ZNF469: variants seen among roughly 807,000 people sequenced by gnomAD.
ZNF469 encodes the protein zinc finger protein 469.
Under a neutral mutation model 1.0 loss-of-function variants are expected in ZNF469, and 1 was observed. The ratio of observed to expected loss-of-function variants is 1.00; its 90% confidence interval spans 0.35 to 4.73. ZNF469 has a LOEUF of 4.73. Ranked by LOEUF, ZNF469 falls within the 30% of genes most tolerant of loss-of-function variation. The pLI, the probability that ZNF469 is intolerant of heterozygous loss-of-function variation, is 0.16. For missense variants in ZNF469, 6,100 were observed against 5,356.3 expected, an observed-to-expected ratio of 1.14 and a Z score of -4.33; for synonymous variants, 2,703 against 2,363.4, an observed-to-expected ratio of 1.14 and a Z score of -4.17.
chr16:88,415,052 G>A (rs1368076444), intron 1 of ZNF469, among the ~76,000 whole-genome samples: 1 of 152,210 alleles, frequency 6.6e-6, no homozygotes, highest in Non-Finnish European at 1.5e-5. Flanking sequence ...CTCCGGTCCC[G>A]GGTGCCACTT....
upstream of ZNF469, among the ~76,000 whole-genome samples, chr16:88,379,701 C>T (rs2092516272): frequency 6.6e-6 from 1 of 152,166 alleles, no homozygotes; most frequent in African/African-American, 2.4e-5. Context: ...TGTAACAGTC[C>T]AAAGTGACTC....
At chr16:88,203,743 T>TGTG in the ZNF469 span, among the ~76,000 whole-genome samples, 1 of 152,038 alleles carries the variant, frequency 6.6e-6, no homozygotes, top group African/African-American at 2.4e-5. Context: ...TGTGTGTGTG[T>TGTG]GTGTGTATCT....
chr16:88,190,366 A>G, the ZNF469 span, among the ~76,000 whole-genome samples: 2 of 152,260 alleles, frequency 1.3e-5, no homozygotes, highest in Admixed American at 1.3e-4. Flanking sequence ...CAGTCCCAGC[A>G]CAGCCCCACC....
the ZNF469 span, among the ~76,000 whole-genome samples, chr16:88,258,951 T>C: frequency 2.0e-5 from 3 of 152,228 alleles, no homozygotes; most frequent in East Asian, 5.8e-4. Flanking sequence ...CGTGGGGTGG[T>C]AGAGATTTGA....
the ZNF469 span, among the ~76,000 whole-genome samples, chr16:88,351,815 C>A: frequency 5.8e-4 from 88 of 152,336 alleles, no homozygotes; most frequent in African/African-American, 1.9e-3. Context: ...CCACCCTCTC[C>A]CCACCCTTGC....
the ZNF469 span, among the ~76,000 whole-genome samples, chr16:88,171,281 ATCTGCCACC>A: frequency 6.6e-6 from 1 of 152,204 alleles, no homozygotes; most frequent in Non-Finnish European, 1.5e-5. Flanking sequence ...GTGGTGGCCC[ATCTGCCACC>A]TGTTCCAGGA....
the ZNF469 span, among the ~76,000 whole-genome samples, chr16:88,157,899 T>A: frequency 6.6e-6 from 1 of 151,946 alleles, no homozygotes; most frequent in Non-Finnish European, 1.5e-5. Flanking sequence ...TGACCAGGGA[T>A]CCTGTGTTGG....
the ZNF469 span, among the ~76,000 whole-genome samples, chr16:88,256,591 T>C: frequency 3.3e-5 from 5 of 152,222 alleles, 1 homozygote; most frequent in East Asian, 9.6e-4. Context: ...TACTGGGTGG[T>C]ATGGTAAGAG....
chr16:88,359,401 C>A, the ZNF469 span, among the ~76,000 whole-genome samples: 1 of 150,850 alleles, frequency 6.6e-6, no homozygotes, highest in Non-Finnish European at 1.5e-5. Flanking sequence ...CTGAGTGTCC[C>A]GCGGGCTCGG....
At chr16:88,197,342 C>T in the ZNF469 span, among the ~76,000 whole-genome samples, 1 of 152,194 alleles carries the variant, frequency 6.6e-6, no homozygotes, top group African/African-American at 2.4e-5. Context: ...AGAGCAGGAG[C>T]GAGCAGGGGC....
chr16:88,391,748 G>C (rs561155958), intron 1 of ZNF469, among the ~76,000 whole-genome samples: 40 of 152,304 alleles, frequency 2.6e-4, no homozygotes, highest in African/African-American at 7.7e-4. Flanking sequence ...ACATCTCATC[G>C]GCTTTCAAGA....
the ZNF469 span, among the ~76,000 whole-genome samples, chr16:88,213,859 G>C: frequency 3.9e-5 from 6 of 152,198 alleles, no homozygotes; most frequent in Non-Finnish European, 8.8e-5. Flanking sequence ...GCTTTCCGCA[G>C]AGGCTTACGA....
At chr16:88,149,682 G>A in the ZNF469 span, among the ~76,000 whole-genome samples, 1 of 152,130 alleles carries the variant, frequency 6.6e-6, no homozygotes, top group Non-Finnish European at 1.5e-5. Context: ...GATGATGCCA[G>A]GACAGCAGCT....
At chr16:88,241,311 A>T in the ZNF469 span, among the ~76,000 whole-genome samples, 2 of 151,522 alleles carry the variant, frequency 1.3e-5, no homozygotes, top group Non-Finnish European at 2.9e-5. The surrounding 1 kb of genome is among the most constrained non-coding windows in gnomAD (Gnocchi z 4.8). Context: ...GTGAGCCAAG[A>T]TCGCGCCACT....
the ZNF469 span, among the ~76,000 whole-genome samples, chr16:88,222,467 T>A: frequency 6.6e-6 from 1 of 152,132 alleles, no homozygotes; most frequent in East Asian, 1.9e-4. Flanking sequence ...AATTTCAAAA[T>A]TTTCCTAAGG....
In ZNF469 at chr16:88,438,301, G is replaced by A; in HGVS notation, c.10831G>A (p.Ala3611Thr). 2 of 1,549,118 alleles carry A rather than the reference G, an allele frequency of 1.3e-6. No individual in the cohort carries two copies. The highest frequency in any genetic ancestry group is 1.4e-5 in the African/African-American group (1 of 73,164). Residue 3611 changes from alanine to threonine, a missense_variant, in exon 3 of 3, where the codon GCG becomes ACG. Physicochemically the swap from Ala to Thr is moderately conservative, Grantham distance 58. Transcript: ENST00000565624. ...LPRPGARGQDAEGKRAPLVFS... is the reference protein window; with the variant it reads ...LPRPGARGQDTEGKRAPLVFS... ...GCGGCCGGGAGCCAGAGGCCAAGAT[G>A]CGGAGGGAAAGAGGGCTCCTCTCGT...
At chr16:88,368,183 G>T in the ZNF469 span, among the ~76,000 whole-genome samples, 3 of 152,266 alleles carry the variant, frequency 2.0e-5, no homozygotes, top group African/African-American at 4.8e-5. Flanking sequence ...CTTGGCATCA[G>T]ATGCTGTGTC....
the ZNF469 span, among the ~76,000 whole-genome samples, chr16:88,297,316 G>A: frequency 1.3e-5 from 2 of 152,196 alleles, no homozygotes; most frequent in Non-Finnish European, 2.9e-5. Context: ...TGCTCAGCAG[G>A]GTCCCGCCAG....
chr16:88,332,465 C>G, the ZNF469 span, among the ~76,000 whole-genome samples: 1 of 152,244 alleles, frequency 6.6e-6, no homozygotes, highest in African/African-American at 2.4e-5. Flanking sequence ...TGGGCACAGC[C>G]TTGCCGCTGG....
Sources: allele counts gnomAD v4.1 joint callset (sites outside exome capture counted in the v4.1 genomes callset), GRCh38; gene constraint gnomAD v4.1.1; non-coding constraint Gnocchi (gnomAD v3.1); transcripts MANE v1.5; gene names NCBI Gene and HGNC (gene_info 2026-07-23, HGNC 2026-07-21).